Variants in ULK4 observed in about 807,000 individuals in gnomAD.
ULK4 encodes the protein unc-51 like kinase 4.
In ULK4, 133 loss-of-function variants were observed where a neutral mutation model predicts 160.6. The observed-to-expected ratio is 0.83, with a 90% CI of 0.72 to 0.96. ULK4 has a LOEUF of 0.96. Ranked by LOEUF, ULK4 falls within the 40% of genes least tolerant of loss-of-function variation. ULK4 has a pLI of 0.00. For synonymous variants in ULK4, 534 were observed against 539.8 expected (o/e 0.99, Z 0.15); for missense variants, 1,580 against 1,499.5 (o/e 1.05, Z -0.89).
intron 32 of ULK4, among the ~76,000 whole-genome samples, chr3:41,542,742 G>A (rs1026819616): frequency 1.3e-5 from 2 of 152,018 alleles, no homozygotes; most frequent in East Asian, 1.9e-4. Context: ...TCCTGGTTTC[G>A]ACTTGGGAGG....
chr3:41,434,743 T>C (rs866129356), intron 34 of ULK4, among the ~76,000 whole-genome samples: 6 of 152,212 alleles, frequency 3.9e-5, no homozygotes, highest in Admixed American at 1.3e-4. Context: ...TTTGGTACCT[T>C]GTATGTGAAA....
At chr3:41,434,738 T>C (rs1231683717) in intron 34 of ULK4, among the ~76,000 whole-genome samples, 1 of 152,228 alleles carries the variant, frequency 6.6e-6, no homozygotes, top group East Asian at 1.9e-4. Flanking sequence ...TTACTTTTGG[T>C]ACCTTGTATG....
At chr3:41,465,907 T>C (rs1040654035) in intron 32 of ULK4, among the ~76,000 whole-genome samples, 1 of 152,198 alleles carries the variant, frequency 6.6e-6, no homozygotes, top group African/African-American at 2.4e-5. Flanking sequence ...AACAATGATT[T>C]TGGAGTGTTA....
In ULK4 at chr3:41,839,019, T is replaced by C. The variant is rs191532973; in HGVS notation, c.1657-3048A>G. ...GATCTATTGCACAGCACGGTGACCA[T>C]AGTTCATAATAACACTTATTTCACA... On this transcript the variant is annotated intron_variant, in intron 17 of 36. Transcript: ENST00000301831. 9.8e-5 allele frequency among the ~76,000 whole-genome samples: 15 copies of C among 152,314 alleles called. No individual in the cohort carries two copies. The South Asian group carries it at 2.1e-3, about 21-fold the overall frequency.
chr3:41,398,708 T>C (rs905405720), intron 34 of ULK4, among the ~76,000 whole-genome samples: 4 of 152,142 alleles, frequency 2.6e-5, no homozygotes, highest in Admixed American at 1.3e-4. Context: ...CTTTTTTAAA[T>C]GCATCTTTTT....
At chr3:41,803,130 C>G (rs2040517369) in intron 19 of ULK4, among the ~76,000 whole-genome samples, 1 of 142,148 alleles carries the variant, frequency 7.0e-6, no homozygotes. Flanking sequence ...AAGATCGCAC[C>G]ACTGCACTCC....
intron 34 of ULK4, among the ~76,000 whole-genome samples, chr3:41,426,373 A>G (rs1318688280): frequency 6.6e-6 from 1 of 152,200 alleles, no homozygotes; most frequent in Non-Finnish European, 1.5e-5. Flanking sequence ...AGAGACAGAA[A>G]ATTAACAAGG....
intron 10 of ULK4, 62 bp downstream of exon 10, chr3:41,911,479 G>A (rs1188498658): frequency 3.8e-6 from 6 of 1,585,654 alleles, no homozygotes; most frequent in Admixed American, 1.7e-5. Context: ...ACATAACACT[G>A]AAATTAGGAA....
At chr3:41,884,651 T>C (rs1697653555) in intron 16 of ULK4, among the ~76,000 whole-genome samples, 1 of 152,208 alleles carries the variant, frequency 6.6e-6, no homozygotes, top group South Asian at 2.1e-4. Flanking sequence ...TCTAGGATAA[T>C]CAGTATGTAC....
At chr3:41,790,579 G>T (rs1413539069) in intron 20 of ULK4, among the ~76,000 whole-genome samples, 1 of 152,188 alleles carries the variant, frequency 6.6e-6, no homozygotes, top group Non-Finnish European at 1.5e-5. Context: ...TTGAAGGGTA[G>T]ATGGGAAATA....
Position 41,566,075 on chromosome 3 carries a change from C to T in ULK4, c.3176G>A (p.Ser1059Asn). ...CGAATCTTTGCAGGCAACTAGATTG[C>T]TGAGTAATGCAATCACACTTTGCAT... Reference protein sequence around the residue: ...NTMQSVIALLSNLVACKDSNM... With the variant: ...NTMQSVIALLNNLVACKDSNM... The change falls in exon 32 of 37, where the codon AGC becomes AAC. Residue 1059 changes from serine to asparagine, a missense_variant. Coordinates refer to ENST00000301831, the MANE Select transcript of ULK4 (RefSeq NM_017886.4). The T allele has an allele frequency of 1.2e-6, 2 of 1,613,824 alleles. No individual in the cohort carries two copies. The highest frequency in any genetic ancestry group is 1.7e-6 in the Non-Finnish European group (2 of 1,179,952).
chr3:41,361,624 C>T (rs763426426), intron 35 of ULK4, among the ~76,000 whole-genome samples: 2 of 152,070 alleles, frequency 1.3e-5, no homozygotes, highest in African/African-American at 4.8e-5. Context: ...TTTCATATCC[C>T]GATGTGACTG....
intron 2 of ULK4, among the ~76,000 whole-genome samples, chr3:41,943,397 T>C (rs1316909483): frequency 6.6e-6 from 1 of 152,094 alleles, no homozygotes; most frequent in Non-Finnish European, 1.5e-5. Context: ...TTACACATCC[T>C]AGCCTGTGAC....
At chr3:41,629,112 G>T (rs1216648660) in intron 30 of ULK4, among the ~76,000 whole-genome samples, 1 of 152,108 alleles carries the variant, frequency 6.6e-6, no homozygotes, top group African/African-American at 2.4e-5. Context: ...AAACTTAGTG[G>T]CATAAAGCAA....
intron 35 of ULK4, among the ~76,000 whole-genome samples, chr3:41,364,649 T>C (rs1176283073): frequency 1.3e-5 from 2 of 152,124 alleles, no homozygotes; most frequent in East Asian, 1.9e-4. Context: ...TATCATTTAA[T>C]AAGGAAAAAT....
chr3:41,456,336 G>A (rs1427087310), intron 33 of ULK4, among the ~76,000 whole-genome samples: 1 of 152,182 alleles, frequency 6.6e-6, no homozygotes, highest in Non-Finnish European at 1.5e-5. Context: ...AACCCAGGCT[G>A]ACTCCAAGTC....
At chr3:41,866,817 C>A (rs148292652) in intron 17 of ULK4, among the ~76,000 whole-genome samples, 7 of 152,234 alleles carry the variant, frequency 4.6e-5, no homozygotes, top group African/African-American at 9.6e-5. Flanking sequence ...AGATATAGGG[C>A]TCCCCAAATT....
rs574158247 is a variant in ULK4 at position 41,623,131 on chromosome 3, T to G, written c.3072-7414A>C. On this transcript the variant is annotated intron_variant, in intron 30 of 36. Transcript: ENST00000301831. Reference sequence around the variant, plus strand: ...AATTACAGAGCTTAAGACAAACATGTTACATATGTTGTAGGTATGTGTAGT... The same window carrying G: ...AATTACAGAGCTTAAGACAAACATGGTACATATGTTGTAGGTATGTGTAGT... Among the ~76,000 whole-genome samples, 16 of 152,332 alleles carry G rather than the reference T, an allele frequency of 1.1e-4. No individual in the cohort carries two copies. In the East Asian group the frequency reaches 2.9e-3, roughly 28 times the overall value.
chr3:41,817,455 A>G (rs546167556), intron 19 of ULK4, among the ~76,000 whole-genome samples: 1 of 152,188 alleles, frequency 6.6e-6, no homozygotes, highest in African/African-American at 2.4e-5. Context: ...AAAATTATAA[A>G]ATCATGTTCT....
Sources: gnomAD v4.1 joint callset for allele counts (sites outside exome capture counted in the v4.1 genomes callset) on GRCh38, gnomAD v4.1.1 for gene constraint, MANE v1.5 for transcripts, NCBI Gene and HGNC (gene_info 2026-07-23, HGNC 2026-07-21) for gene names.